PFKFB3: variants seen among roughly 807,000 people sequenced by gnomAD.
The protein encoded by PFKFB3 is 6-phosphofructo-2-kinase/fructose-2,6-biphosphatase 3, also known as 6-phosphofructo-2-kinase/fructose-2,6-bisphosphatase 3.
PFKFB3 carries 33 observed loss-of-function variants against 68.0 expected under a neutral mutation model. That is an observed-to-expected ratio of 0.49 (90% CI 0.37 to 0.65). The LOEUF is 0.65. Ranked by LOEUF, PFKFB3 falls within the 30% of genes least tolerant of loss-of-function variation. The pLI, the probability that PFKFB3 is intolerant of heterozygous loss-of-function variation, is 0.00. For missense variants in PFKFB3, 586 were observed against 712.2 expected, an observed-to-expected ratio of 0.82 and a Z score of 2.02; for synonymous variants, 315 against 288.2, an observed-to-expected ratio of 1.09 and a Z score of -0.94.
At chr10:6,246,299 A>G (rs1435491198) in intron 14 of PFKFB3, among the ~76,000 whole-genome samples, 1 of 151,360 alleles carries the variant, frequency 6.6e-6, no homozygotes, top group Non-Finnish European at 1.5e-5. Context: ...TTTTTTCTTG[A>G]TGTACATTTT....
At chr10:6,314,146 T>C in the PFKFB3 span, among the ~76,000 whole-genome samples, 1 of 152,370 alleles carries the variant, frequency 6.6e-6, no homozygotes, top group Non-Finnish European at 1.5e-5. Flanking sequence ...CAAACCATTC[T>C]ATATGTGGGA....
At chr10:6,200,193 T>C (rs1843292476), upstream of PFKFB3, among the ~76,000 whole-genome samples, 2 of 152,208 alleles carry the variant, frequency 1.3e-5, no homozygotes, top group African/African-American at 4.8e-5. Context: ...TCCTTCTATC[T>C]TTCATAGTTT....
At chr10:6,183,601 C>CAAAA (rs773888395) in intron 1 of PFKFB3, among the ~76,000 whole-genome samples, 40 of 127,816 alleles carry the variant, frequency 3.1e-4, no homozygotes, top group East Asian at 3.0e-3. Flanking sequence ...CCAGCCTGGT[C>CAAAA]AAAAAAAAAA....
rs763281157 is a variant in PFKFB3, at chr10:6,229,154, G to T, written c.1515+2789G>T. On this transcript the variant is annotated intron_variant, in intron 14 of 14. Transcript: ENST00000379775. The surrounding 1 kb of genome is among the most constrained non-coding windows in gnomAD (Gnocchi z 4.3). ...GGAATGCAGCCTGAGATGCTGAAAA[G>T]AATGACTGGCTTTGGAAATGGGAGA... 1.9e-6 allele frequency: 1 copy of T among 530,772 alleles called. No individual in the cohort carries two copies. The highest frequency in any genetic ancestry group is 3.9e-6 in the Non-Finnish European group (1 of 258,678). 32.9% of individuals were successfully genotyped at this position (530,772 alleles called of 1,614,324 possible).
intron 14 of PFKFB3, among the ~76,000 whole-genome samples, chr10:6,248,889 T>G (rs1564235027): frequency 6.6e-6 from 1 of 151,828 alleles, no homozygotes. Context: ...AAGGAAACCC[T>G]TAGGTCGGGA....
chr10:6,212,964 C>T (rs1844326668), intron 1 of PFKFB3, among the ~76,000 whole-genome samples: 1 of 152,196 alleles, frequency 6.6e-6, no homozygotes, highest in Non-Finnish European at 1.5e-5. Flanking sequence ...AATCCACCCT[C>T]TTGACTCTTA....
At chr10:6,303,480 C>T in the PFKFB3 span, among the ~76,000 whole-genome samples, 1 of 152,054 alleles carries the variant, frequency 6.6e-6, no homozygotes, top group Admixed American at 6.6e-5. Context: ...AAAAAAATGA[C>T]AATCAATGCT....
At chr10:6,219,474 C>G (rs754429582) in intron 6 of PFKFB3, 95 bp from the exon 7 acceptor site, 3 of 1,350,408 alleles carry the variant, frequency 2.2e-6, no homozygotes, top group African/African-American at 2.9e-5. Flanking sequence ...ACTGAGCCTT[C>G]TGTGCGCTCC....
At chr10:6,298,681 T>A in the PFKFB3 span, among the ~76,000 whole-genome samples, 4,694 of 152,210 alleles carry the variant, frequency 0.031, 228 homozygotes, top group African/African-American at 0.11. Context: ...CAGTGCATTT[T>A]CAGGGCATCC....
chr10:6,177,468 CT>C (rs1842551791), intron 1 of PFKFB3, among the ~76,000 whole-genome samples: 1 of 120,668 alleles, frequency 8.3e-6, no homozygotes, highest in Non-Finnish European at 1.8e-5. Flanking sequence ...TTCTTTCTTT[CT>C]TTCTTTCTTT....
In PFKFB3 at chr10:6,154,096, C is replaced by A. The variant is rs570566409; in HGVS notation, c.16+9083C>A. Among the ~76,000 whole-genome samples the A allele has an allele frequency of 1.3e-5, 2 of 152,222 alleles. No homozygotes were observed. The highest frequency in any genetic ancestry group is 2.4e-5 in the African/African-American group (1 of 41,550). Reference sequence around the variant, plus strand: ...AACCTGCGGGCCAGCACCGCTTCTGCAGGGTGAGAGGGTGGAAGCCAGGTG... The same window carrying A: ...AACCTGCGGGCCAGCACCGCTTCTGAAGGGTGAGAGGGTGGAAGCCAGGTG... On this transcript the variant is annotated intron_variant, in intron 1 of 14. Transcript: ENST00000379789. This position sits in a 1 kb window ranked among gnomAD's most constrained non-coding sequence, Gnocchi z 4.6.
chr10:6,229,555 C>T lies in PFKFB3; in HGVS notation c.1515+3190C>T, dbSNP rs1295243452. On this transcript the variant is annotated intron_variant, in intron 14 of 14. Coordinates refer to ENST00000379775, the MANE Select transcript of PFKFB3 (RefSeq NM_004566.4). The surrounding 1 kb of genome is among the most constrained non-coding windows in gnomAD (Gnocchi z 4.3). ...AGCTGCTTCCCACAGCCAGGCTTTG[C>T]TTACCTAAGGTGGGCCTGCCCTTAA... Among the ~76,000 whole-genome samples, 2 of 152,284 alleles carry T rather than the reference C, an allele frequency of 1.3e-5. No individual in the cohort carries two copies. The highest frequency in any genetic ancestry group is 3.9e-4 in the East Asian group (2 of 5,180).
At position 6,221,274 on chromosome 10, in the gene PFKFB3, G is replaced by T. The variant is rs1031483018; in HGVS notation, c.832-107G>T. On this transcript the variant is annotated intron_variant, in intron 8 of 14. Transcript: ENST00000379775. ...GTCCCAGTGGCCTGGGGCCCCCACG[G>T]TGTAACCAGGTAGTGCACAGCCCTA... The T allele has an allele frequency of 3.6e-6, 5 of 1,381,632 alleles. No individual in the cohort carries two copies. In the African/African-American group the frequency reaches 4.3e-5, roughly 12 times the overall value. The allele number at this position is 1,381,632 out of a possible 1,614,324, so 85.6% of individuals were successfully genotyped here. A position where few individuals can be genotyped will look rare whatever the true frequency, so the allele number is the denominator to read the frequency against.
chr10:6,221,885 C>G (rs911338628), intron 10 of PFKFB3, 140 bp downstream of exon 10: 5 of 614,840 alleles, frequency 8.1e-6, no homozygotes, highest in African/African-American at 7.4e-5. Flanking sequence ...CTGAGTCCCC[C>G]CAAACTGAAC....
intron 10 of PFKFB3, 55 bp from the exon 11 acceptor site, chr10:6,222,800 G>A (rs1308730664): frequency 3.2e-6 from 5 of 1,556,788 alleles, no homozygotes; most frequent in African/African-American, 2.7e-5. Flanking sequence ...GTGGCCAGCG[G>A]CAGAGCCCCT....
Position 6,223,996 on chromosome 10 carries a change from C to T in PFKFB3, c.1252C>T (p.Leu418=), listed in dbSNP as rs202060851. The T allele has an allele frequency of 1.4e-5, 22 of 1,614,212 alleles. No homozygotes were observed. In the Admixed American group the frequency reaches 1.8e-4, roughly 13 times the overall value. ...CCTGAAATGCCCTCTTCACACCGTCCTGAAACTGACGCCTGTCGCTTATGG... is the reference window on the plus strand; with the variant it reads ...CCTGAAATGCCCTCTTCACACCGTCTTGAAACTGACGCCTGTCGCTTATGG... ...PYLKCPLHTV[L]KLTPVAYGCR... Residue 418 remains leucine (L), a synonymous_variant, in exon 12 of 15, where the codon CTG becomes TTG. Transcript: ENST00000379775.
At chr10:6,270,627 G>T in the PFKFB3 span, among the ~76,000 whole-genome samples, 2 of 152,154 alleles carry the variant, frequency 1.3e-5, no homozygotes, top group African/African-American at 4.8e-5. Context: ...GATAGTAAGG[G>T]TCCGGTTCCC....
In PFKFB3 at chr10:6,162,100, A is replaced by ACTATT. The variant is rs1281733988; in HGVS notation, c.16+17091_16+17095dup. On this transcript the variant is annotated intron_variant, in intron 1 of 14. Transcript: ENST00000379789. ...ACCATTCTTTCTGTCTCTGAATCTG[A>ACTATT]CTATTCTAGGGAACTCATGTGAGTG... is the stretch of plus-strand genomic sequence containing the variant. Among the ~76,000 whole-genome samples the ACTATT allele has an allele frequency of 2.0e-5, 3 of 152,196 alleles. No homozygotes were observed. The East Asian group carries it at 5.8e-4, about 29-fold the overall frequency.
At chr10:6,239,379 A>G (rs1846091813), downstream of PFKFB3, among the ~76,000 whole-genome samples, 1 of 152,216 alleles carries the variant, frequency 6.6e-6, no homozygotes, top group East Asian at 1.9e-4. Flanking sequence ...GATGAGTCAC[A>G]TCACAGCCTA....
Sources: gnomAD v4.1 joint callset for allele counts (sites outside exome capture counted in the v4.1 genomes callset) on GRCh38, gnomAD v4.1.1 for gene constraint, Gnocchi (gnomAD v3.1) non-coding constraint, MANE v1.5 for transcripts, NCBI Gene and HGNC (gene_info 2026-07-23, HGNC 2026-07-21) for gene names.